The following RIPK1 variants were observed in gnomAD, a reference collection of about 807,000 sequenced individuals.
RIPK1 encodes receptor interacting serine/threonine kinase 1.
A neutral mutation model predicts 62.4 loss-of-function variants in RIPK1; 27 were observed. That is an observed-to-expected ratio of 0.43 (90% CI 0.32 to 0.60). The LOEUF is 0.60. Among genes scored for constraint, RIPK1 ranks in the 20% least tolerant of loss-of-function variants. RIPK1 has a pLI of 0.07. For missense variants in RIPK1, 735 were observed against 831.0 expected (o/e 0.88, Z 1.42); for synonymous variants, 287 against 303.2 (o/e 0.95, Z 0.55).
chr6:3,096,333 T>A (rs1760289832), intron 7 of RIPK1, among the ~76,000 whole-genome samples: 1 of 152,104 alleles, frequency 6.6e-6, no homozygotes, highest in African/African-American at 2.4e-5. Flanking sequence ...TCTTTTAAAT[T>A]AATAATAGTT....
chr6:3,085,243 A>C lies in RIPK1; in HGVS notation c.689-16A>C, dbSNP rs909966. On this transcript the variant is annotated splice_polypyrimidine_tract_variant and intron_variant, in intron 5 of 10. Transcript: ENST00000259808. ...GAGAGAGGAGCAAGACCTGAAAGAA[A>C]GTCTTTGCTTTGTAGATGCTATCTG... 0.03 allele frequency: 47,897 copies of C among 1,613,756 alleles called. 2,183 individuals carry two copies. The highest frequency in any genetic ancestry group is 0.19 in the African/African-American group (14,072 of 74,976).
Position 3,113,626 on chromosome 6 carries a change from A to G in RIPK1, c.*287A>G. The G allele has an allele frequency of 2.7e-6, 1 of 363,962 alleles. No homozygotes were observed. The highest frequency in any genetic ancestry group is 4.6e-5 in the East Asian group (1 of 21,702). 22.5% of individuals were successfully genotyped at this position (363,962 alleles called of 1,614,324 possible). A position where few individuals can be genotyped will look rare whatever the true frequency, so the allele number is the denominator to read the frequency against. ...GGCACTGAGCCACTGCGCCCAGCCA[A>G]CAATCCGCTCTGAGGAAAGCGTAAG... On this transcript the variant is annotated 3_prime_UTR_variant, in exon 11 of 11. Coordinates refer to ENST00000259808, the MANE Select transcript of RIPK1 (RefSeq NM_001354930.2). The surrounding 1 kb of genome is among the most constrained non-coding windows in gnomAD (Gnocchi z 5.0).
In RIPK1 at chr6:3,080,989, C is replaced by T. The variant is rs181459394; in HGVS notation, c.332C>T (p.Pro111Leu). 38 of 1,613,756 alleles carry T rather than the reference C, an allele frequency of 2.4e-5. No individual in the cohort carries two copies. Among genetic ancestry groups the T allele is most frequent in the African/African-American group, 1.7e-4 (13 of 75,018 alleles). ...TATCACTTGTTTTAGATGAGTACTCCGCTTTCTGTAAAAGGAAGGATAATT... is the reference window on the plus strand; with the variant it reads ...TATCACTTGTTTTAGATGAGTACTCTGCTTTCTGTAAAAGGAAGGATAATT... The part of the protein sequence containing the change: ...MHVLKAEMST[P>L]LSVKGRIILE... The change falls in exon 4 of 11, where the codon CCG (proline) becomes CTG (leucine). Residue 111 changes from proline to leucine, a missense_variant. By Grantham distance (98) the Pro-to-Leu change is moderately conservative. This residue lies in a region of RIPK1 where 671 missense variants were observed against 726.2 expected (regional missense o/e 0.92). Coordinates refer to ENST00000259808, the MANE Select transcript of RIPK1 (RefSeq NM_001354930.2).
upstream of RIPK1, among the ~76,000 whole-genome samples, chr6:3,067,578 T>A (rs891984688): frequency 6.7e-6 from 1 of 148,604 alleles, no homozygotes. Flanking sequence ...TACATTTTCA[T>A]ATTGTTGCAT....
intron 5 of RIPK1, among the ~76,000 whole-genome samples, chr6:3,084,373 A>G (rs1759577781): frequency 6.6e-6 from 1 of 151,870 alleles, no homozygotes; most frequent in Admixed American, 6.6e-5. Flanking sequence ...CTCGTCCCTA[A>G]CCCTCCCTTC....
rs143629855 is a variant in RIPK1, at chr6:3,072,186, A to T, written c.-61+3525A>T. On this transcript the variant is annotated intron_variant, in intron 1 of 10. Coordinates refer to ENST00000259808, the MANE Select transcript of RIPK1 (RefSeq NM_001354930.2). This position sits in a 1 kb window ranked among gnomAD's most constrained non-coding sequence, Gnocchi z 5.6. The stretch of plus-strand genomic sequence containing the variant: ...TCTCTGATTTGATCCCTCAGAGTAA[A>T]GAAATACTGAGTCAAGGAATTATTC... Among the ~76,000 whole-genome samples, 1 of 152,200 alleles carries T rather than the reference A, an allele frequency of 6.6e-6. No homozygotes were observed. The highest frequency in any genetic ancestry group is 1.5e-5 in the Non-Finnish European group (1 of 68,042).
In RIPK1 at chr6:3,081,348, GA is replaced by G. The variant is rs573607322; in HGVS notation, c.459+234del. On this transcript the variant is annotated intron_variant, in intron 4 of 10. Coordinates refer to ENST00000259808, the MANE Select transcript of RIPK1 (RefSeq NM_001354930.2). ...TATCTTTTGGGGGAGGAGTGGAGTT[GA>G]ATGGGGTAGATGAGAAGACCTCTTT... is the stretch of plus-strand genomic sequence containing the variant. Among the ~76,000 whole-genome samples, 6 of 152,290 alleles carry G rather than the reference GA, an allele frequency of 3.9e-5. No homozygotes were observed. The South Asian group carries it at 1.2e-3, about 32-fold the overall frequency.
chr6:3,110,761 T>G (rs752691032), intron 9 of RIPK1, 42 bp from the exon 10 acceptor site: 1 of 1,363,956 alleles, frequency 7.3e-7, no homozygotes, highest in South Asian at 1.3e-5. Context: ...TTCTCTTGCT[T>G]TTGATCTAGA....
chr6:3,101,840 T>C (rs1760602723), intron 7 of RIPK1, among the ~76,000 whole-genome samples: 1 of 152,224 alleles, frequency 6.6e-6, no homozygotes, highest in African/African-American at 2.4e-5. Context: ...AACAATCCAG[T>C]GGCATTAAGT....
At chr6:3,080,803 C>CCCA (rs1759335116) in intron 3 of RIPK1, among the ~76,000 whole-genome samples, 176 bp from the exon 4 acceptor site, 1 of 151,280 alleles carries the variant, frequency 6.6e-6, no homozygotes, top group African/African-American at 2.4e-5. Flanking sequence ...CCCTCTGCCC[C>CCCA]CCCCCGAATG....
intron 7 of RIPK1, among the ~76,000 whole-genome samples, chr6:3,094,989 T>A (rs1760208381): frequency 6.6e-6 from 1 of 151,956 alleles, no homozygotes; most frequent in Non-Finnish European, 1.5e-5. Context: ...GCCCAGGAGT[T>A]TGAGGCTGGA....
Position 3,077,800 on chromosome 6 carries a change from G to A in RIPK1, c.186G>A (p.Glu62=), listed in dbSNP as rs1252173261. Reference sequence around the variant, plus strand: ...ACAGGCACAACGAGGCCCTCTTGGAGGAGGCGAAGATGATGAACAGACTGA... The same window carrying A: ...ACAGGCACAACGAGGCCCTCTTGGAAGAGGCGAAGATGATGAACAGACTGA... The part of the protein sequence containing the change: ...NCIEHNEALL[E]EAKMMNRLRH... Residue 62 remains glutamate, a synonymous_variant, in exon 3 of 11, where the codon GAG becomes GAA. Coordinates refer to ENST00000259808, the MANE Select transcript of RIPK1 (RefSeq NM_001354930.2). 2.5e-6 allele frequency: 4 copies of A among 1,614,082 alleles called. No individual in the cohort carries two copies. In the African/African-American group the frequency reaches 5.3e-5, roughly 22 times the overall value.
upstream of RIPK1, among the ~76,000 whole-genome samples, chr6:3,065,459 G>C (rs547893699): frequency 2.6e-5 from 4 of 152,020 alleles, no homozygotes; most frequent in African/African-American, 9.7e-5. Context: ...TCGGGAGGGG[G>C]CCTGGGCATT....
At chr6:3,075,559 T>TGG (rs1759007697) in intron 1 of RIPK1, among the ~76,000 whole-genome samples, 1 of 152,248 alleles carries the variant, frequency 6.6e-6, no homozygotes, top group Non-Finnish European at 1.5e-5. Flanking sequence ...TGAAGTTCTT[T>TGG]GGTGCTTACT....
intron 5 of RIPK1, 58 bp downstream of exon 5, chr6:3,083,371 G>C: frequency 7.2e-7 from 1 of 1,396,708 alleles, no homozygotes; most frequent in East Asian, 2.5e-5. Flanking sequence ...CACTGTGCCT[G>C]GAACTAATAG....
chr6:3,077,312 AC>A (rs945162559), intron 2 of RIPK1, among the ~76,000 whole-genome samples: 7 of 152,182 alleles, frequency 4.6e-5, no homozygotes, highest in African/African-American at 1.7e-4. Flanking sequence ...CACTCGCTTC[AC>A]ATTTTCAGTG....
At chr6:3,108,153 C>T (rs1479448824) in intron 9 of RIPK1, among the ~76,000 whole-genome samples, 1 of 151,464 alleles carries the variant, frequency 6.6e-6, no homozygotes, top group Admixed American at 6.6e-5. Flanking sequence ...GCTCTTAGAC[C>T]CACTGCTTTT....
At chr6:3,067,968 T>C (rs1338604956), upstream of RIPK1, 1 of 153,026 alleles carries the variant, frequency 6.5e-6, no homozygotes, top group African/African-American at 2.4e-5. Context: ...GGTCTCGAAC[T>C]GCTGACCTCA....
Position 3,105,870 on chromosome 6 carries a change from C to T in RIPK1, c.1395C>T (p.Asn465=), listed in dbSNP as rs780133858. The stretch of plus-strand genomic sequence containing the variant: ...GCCAACCTCAAGTACTGTATCAGAA[C>T]AATGGATTATATAGCTCACATGGCT... ...LTSQPQVLYQ[N]NGLYSSHGFG... The change falls in exon 9 of 11, where the codon AAC becomes AAT. Residue 465 remains asparagine, a synonymous_variant. Coordinates refer to ENST00000259808, the MANE Select transcript of RIPK1 (RefSeq NM_001354930.2). The surrounding 1 kb of genome is among the most constrained non-coding windows in gnomAD (Gnocchi z 4.5). 1 of 1,614,130 alleles carries T rather than the reference C, an allele frequency of 6.2e-7. No individual in the cohort carries two copies. The highest frequency in any genetic ancestry group is 2.2e-5 in the East Asian group (1 of 44,884).
Sources: gnomAD v4.1 joint callset for allele counts (sites outside exome capture counted in the v4.1 genomes callset) on GRCh38, gnomAD v4.1.1 for gene constraint, gnomAD v4.1.1 regional missense constraint, Gnocchi (gnomAD v3.1) non-coding constraint, MANE v1.5 for transcripts, NCBI Gene and HGNC (gene_info 2026-07-23, HGNC 2026-07-21) for gene names.